The following TSHZ3 variants were observed in gnomAD, a reference collection of about 807,000 sequenced individuals.
The protein encoded by TSHZ3 is teashirt homolog 3.
In TSHZ3, 10 loss-of-function variants were observed where a neutral mutation model predicts 64.5. That is an observed-to-expected ratio of 0.16 (90% CI 0.10 to 0.26). The LOEUF is 0.26. TSHZ3 is among the 10% of genes least tolerant of loss of function. TSHZ3 has a pLI of 1.00. For missense variants in TSHZ3, 1,242 were observed against 1,421.7 expected (o/e 0.87, Z 2.03); for synonymous variants, 608 against 593.1 (o/e 1.03, Z -0.36).
At chr19:31,262,400 T>C (rs1975991735) in intron 1 of TSHZ3, among the ~76,000 whole-genome samples, 1 of 152,192 alleles carries the variant, frequency 6.6e-6, no homozygotes, top group South Asian at 2.1e-4. Context: ...GGGTAAATGC[T>C]ACCATTTATG....
chr19:31,164,041 G>A (rs1443818554), intron 5 of TSHZ3, among the ~76,000 whole-genome samples: 1 of 152,206 alleles, frequency 6.6e-6, no homozygotes, highest in East Asian at 1.9e-4. Flanking sequence ...GTGAGCAGGT[G>A]GTCGAGCTGG....
chr19:31,165,198 C>CAAGATTCAG (rs1482730399), intron 5 of TSHZ3, among the ~76,000 whole-genome samples: 3 of 152,188 alleles, frequency 2.0e-5, no homozygotes, highest in Non-Finnish European at 2.9e-5. Context: ...GCCAATCTAT[C>CAAGATTCAG]AAGATTCAGC....
downstream of TSHZ3, among the ~76,000 whole-genome samples, chr19:31,274,327 G>C (rs558404041): frequency 2.0e-4 from 30 of 152,180 alleles, 1 homozygote; most frequent in South Asian, 6.0e-3. Flanking sequence ...GCTAATAAAA[G>C]CTTGTGATTA....
intron 1 of TSHZ3, among the ~76,000 whole-genome samples, chr19:31,330,119 C>A (rs1236126591): frequency 6.6e-6 from 1 of 151,160 alleles, no homozygotes; most frequent in African/African-American, 2.4e-5. Flanking sequence ...GGGTCAAGAT[C>A]CTTTTTTTTT....
At chr19:31,331,810 C>G (rs1250361893) in intron 1 of TSHZ3, among the ~76,000 whole-genome samples, 1 of 152,148 alleles carries the variant, frequency 6.6e-6, no homozygotes, top group Non-Finnish European at 1.5e-5. Flanking sequence ...CACACCAGAG[C>G]ACGCTGCACC....
At chr19:31,350,340 C>T (rs1408044127), upstream of TSHZ3, among the ~76,000 whole-genome samples, 3 of 151,786 alleles carry the variant, frequency 2.0e-5, no homozygotes, top group Non-Finnish European at 4.4e-5. Context: ...GGGCCCGTCC[C>T]GGGGGTCGGT....
intron 5 of TSHZ3, among the ~76,000 whole-genome samples, chr19:31,170,159 A>T (rs1325699468): frequency 1.3e-5 from 2 of 152,122 alleles, no homozygotes; most frequent in Non-Finnish European, 2.9e-5. Flanking sequence ...AACAACAGGG[A>T]TGTATTTTCT....
chr19:31,333,254 C>G (rs889381638), intron 1 of TSHZ3, among the ~76,000 whole-genome samples: 6 of 152,102 alleles, frequency 3.9e-5, no homozygotes, highest in African/African-American at 1.2e-4. Context: ...CAAGGGAGGG[C>G]GAAGAGCAAT....
chr19:31,180,274 C>A (rs765972353), intron 5 of TSHZ3, among the ~76,000 whole-genome samples: 35 of 152,156 alleles, frequency 2.3e-4, no homozygotes, highest in Non-Finnish European at 5.0e-4. Context: ...AATGAAGAGT[C>A]TGTGACTTCC....
chr19:31,277,464 G>C lies in TSHZ3; in HGVS notation c.2329C>G (p.Leu777Val), dbSNP rs756937833. Residue 777 changes from leucine to valine, a missense_variant, in exon 2 of 2, where the codon CTC (leucine) becomes GTC (valine). By Grantham distance (32) the Leu-to-Val change is conservative. Transcript: ENST00000240587. This position sits in a 1 kb window ranked among gnomAD's most constrained non-coding sequence, Gnocchi z 4.5. ...PPLQSKKADHLDRYFYHVNND... is the reference protein window; with the variant it reads ...PPLQSKKADHVDRYFYHVNND... ...TTGACGTGGTAGAAATAGCGGTCGA[G>C]GTGGTCTGCCTTCTTGGACTGCAGG... 1.9e-6 allele frequency: 3 copies of C among 1,613,860 alleles called. No homozygotes were observed. The South Asian group carries it at 3.3e-5, about 18-fold the overall frequency.
chr19:31,278,322 G>A lies in TSHZ3; in HGVS notation c.1471C>T (p.Pro491Ser), dbSNP rs913558035. The change falls in exon 2 of 2, where the codon CCT (proline) becomes TCT (serine). Residue 491 changes from proline (P) to serine (S), a missense_variant. Coordinates refer to ENST00000240587, the MANE Select transcript of TSHZ3 (RefSeq NM_020856.4). This position sits in a 1 kb window ranked among gnomAD's most constrained non-coding sequence, Gnocchi z 4.7. ...TDEKPKQKDK[P>S]GEEEEKCDIS... is the part of the protein sequence containing the mutation. ...TCACACTTCTCCTCTTCTTCGCCAGGCTTGTCTTTTTGCTTAGGTTTCTCG... is the reference window on the plus strand; with the variant it reads ...TCACACTTCTCCTCTTCTTCGCCAGACTTGTCTTTTTGCTTAGGTTTCTCG... The A allele has an allele frequency of 6.2e-7, 1 of 1,614,142 alleles. No individual in the cohort carries two copies. The highest frequency in any genetic ancestry group is 8.5e-7 in the Non-Finnish European group (1 of 1,180,028).
intron 1 of TSHZ3, among the ~76,000 whole-genome samples, chr19:31,321,824 G>GT (rs929898793): frequency 4.6e-5 from 7 of 151,732 alleles, no homozygotes; most frequent in Admixed American, 2.0e-4. Context: ...CCTTGAAGAT[G>GT]TTTTTTCTTT....
At chr19:31,347,987 C>T (rs1006365360) in intron 1 of TSHZ3, among the ~76,000 whole-genome samples, 1 of 152,164 alleles carries the variant, frequency 6.6e-6, no homozygotes, top group Non-Finnish European at 1.5e-5. Context: ...TCTGCCCTTC[C>T]CTCTTAACAT....
At chr19:31,272,513 A>G (rs1430898554), downstream of TSHZ3, among the ~76,000 whole-genome samples, 1 of 152,234 alleles carries the variant, frequency 6.6e-6, no homozygotes, top group African/African-American at 2.4e-5. Flanking sequence ...TTGGGTCCTC[A>G]TCATAACCAA....
intron 1 of TSHZ3, among the ~76,000 whole-genome samples, chr19:31,335,231 G>A (rs1181944436): frequency 1.3e-5 from 2 of 152,138 alleles, no homozygotes. Flanking sequence ...CCGACGAACC[G>A]CCACATTTTG....
In TSHZ3 at chr19:31,277,781, G is replaced by GGGCTGT. The variant is rs761324280; in HGVS notation, c.2006_2011dup (p.Ser670_Pro671insHisSer). On this transcript the variant is annotated inframe_insertion, in exon 2 of 2. Transcript: ENST00000240587. This position sits in a 1 kb window ranked among gnomAD's most constrained non-coding sequence, Gnocchi z 4.5. ...CTTGCACCCATCCCGCGGGGGGCTG[G>GGGCTGT]GGCTGTTCTCCTGGCTGCGGAAGCC... 6.5e-7 allele frequency: 1 copy of GGGCTGT among 1,536,428 alleles called. No homozygotes were observed. Among genetic ancestry groups the GGGCTGT allele is most frequent in the Admixed American group, 2.1e-5 (1 of 47,572 alleles).
At chr19:31,343,334 G>A (rs889788521) in intron 1 of TSHZ3, among the ~76,000 whole-genome samples, 3 of 152,160 alleles carry the variant, frequency 2.0e-5, no homozygotes, top group African/African-American at 4.8e-5. Context: ...TCCAGGTAAC[G>A]TGACCTTCAG....
intron 6 of TSHZ3, among the ~76,000 whole-genome samples, chr19:31,154,974 G>A (rs1224084503): frequency 6.6e-6 from 1 of 152,238 alleles, no homozygotes; most frequent in Non-Finnish European, 1.5e-5. Context: ...AAGATGCCAG[G>A]TTTGCTGAGG....
At chr19:31,349,139 AGAG>A (rs1208970101) in intron 1 of TSHZ3, 38 bp downstream of exon 1, 70 of 1,534,066 alleles carry the variant, frequency 4.6e-5, no homozygotes, top group South Asian at 9.7e-5. Context: ...GAGCGGAGGA[AGAG>A]GAGGAGGAGA....
Sources: gnomAD v4.1 joint callset for allele counts (sites outside exome capture counted in the v4.1 genomes callset) on GRCh38, gnomAD v4.1.1 for gene constraint, Gnocchi (gnomAD v3.1) non-coding constraint, MANE v1.5 for transcripts, NCBI Gene and HGNC (gene_info 2026-07-23, HGNC 2026-07-21) for gene names.